Variants in DLGAP1 observed in about 807,000 individuals in gnomAD.
DLGAP1 encodes DLG associated protein 1, also known as disks large-associated protein 1.
Under a neutral mutation model 90.8 loss-of-function variants are expected in DLGAP1, and 11 were observed. The observed-to-expected ratio is 0.12, with a 90% confidence interval of 0.08 to 0.20. The LOEUF (loss-of-function observed/expected upper bound fraction) is 0.20, where lower values mean the gene tolerates loss of function less well. Ranked by LOEUF, DLGAP1 falls within the 10% of genes least tolerant of loss-of-function variation. The pLI, the probability that DLGAP1 is intolerant of heterozygous loss-of-function variation, is 1.00. For missense variants in DLGAP1, 1,050 were observed against 1,333.8 expected (o/e 0.79, Z 3.31); for synonymous variants, 558 against 540.7 (o/e 1.03, Z -0.44).
intron 1 of DLGAP1, among the ~76,000 whole-genome samples, chr18:4,270,263 T>C (rs971827107): frequency 3.3e-5 from 5 of 152,154 alleles, no homozygotes; most frequent in Non-Finnish European, 5.9e-5. Context: ...CCCCTCTTAT[T>C]ACCCTGCAGC....
At chr18:4,222,740 G>GAA (rs36052054) in intron 1 of DLGAP1, among the ~76,000 whole-genome samples, 97 of 145,584 alleles carry the variant, frequency 6.7e-4, no homozygotes, top group East Asian at 2.2e-3. Flanking sequence ...GTTTTAGACA[G>GAA]AAAAAAAAAA....
intron 4 of DLGAP1, chr18:3,874,076 T>A (rs1279726566): frequency 6.5e-7 from 1 of 1,541,144 alleles, no homozygotes. Context: ...TACCCCTTCC[T>A]TTCCCTACCA....
chr18:4,099,028 A>G (rs2075729533), intron 2 of DLGAP1, among the ~76,000 whole-genome samples: 1 of 152,156 alleles, frequency 6.6e-6, no homozygotes, highest in Non-Finnish European at 1.5e-5. Context: ...AGTTACTTCA[A>G]TTCCTCTAAG....
intron 2 of DLGAP1, among the ~76,000 whole-genome samples, chr18:4,037,572 A>G (rs1387092056): frequency 1.3e-5 from 2 of 152,198 alleles, no homozygotes; most frequent in African/African-American, 4.8e-5. Context: ...GAGCTGCGCC[A>G]TGCCTTTTCT....
At chr18:3,851,267 A>T (rs2069325605) in intron 4 of DLGAP1, among the ~76,000 whole-genome samples, 1 of 152,126 alleles carries the variant, frequency 6.6e-6, no homozygotes, top group South Asian at 2.1e-4. Context: ...GGTAAATGGC[A>T]AATCTCATTA....
intron 1 of DLGAP1, among the ~76,000 whole-genome samples, chr18:4,178,292 A>G (rs1181390956): frequency 6.6e-6 from 1 of 151,250 alleles, no homozygotes. Flanking sequence ...CCCAAGCTGA[A>G]CTCAAACTTC....
At chr18:3,664,222 A>ACACACC (rs2059800081) in intron 7 of DLGAP1, among the ~76,000 whole-genome samples, 1 of 150,000 alleles carries the variant, frequency 6.7e-6, no homozygotes, top group Admixed American at 6.6e-5. Flanking sequence ...ACACACCCAC[A>ACACACC]CACACACACA....
intron 3 of DLGAP1, among the ~76,000 whole-genome samples, chr18:4,001,319 T>G (rs1409595754): frequency 2.0e-5 from 3 of 151,704 alleles, no homozygotes; most frequent in Admixed American, 6.6e-5. Context: ...ATGCTGTTCT[T>G]TAAAAGCTGC....
At chr18:4,443,002 T>C (rs2083573671) in intron 1 of DLGAP1, among the ~76,000 whole-genome samples, 1 of 152,210 alleles carries the variant, frequency 6.6e-6, no homozygotes, top group Non-Finnish European at 1.5e-5. Flanking sequence ...AATGAATGAA[T>C]GGATTGACAA....
chr18:4,273,710 C>T lies in DLGAP1; in HGVS notation c.-266-122423G>A, dbSNP rs1339266422. ...TCAGCCTCCCAGATAGCTGGGATTA[C>T]AGGCGTGAGCCACTGTGCCCCTCCT... is the stretch of plus-strand genomic sequence containing the variant. On this transcript the variant is annotated intron_variant, in intron 1 of 12. Coordinates refer to ENST00000315677, the MANE Select transcript of DLGAP1 (RefSeq NM_004746.4). Among the ~76,000 whole-genome samples the T allele has an allele frequency of 2.0e-5, 3 of 152,236 alleles. No individual in the cohort carries two copies. In the East Asian group the frequency reaches 5.8e-4, roughly 29 times the overall value.
intron 2 of DLGAP1, among the ~76,000 whole-genome samples, chr18:4,086,130 G>C (rs2075677333): frequency 6.6e-6 from 1 of 152,142 alleles, no homozygotes; most frequent in Non-Finnish European, 1.5e-5. Context: ...ATAAAGTTTT[G>C]ACATGGGAAC....
intron 4 of DLGAP1, among the ~76,000 whole-genome samples, chr18:3,849,532 T>C (rs1042379790): frequency 8.6e-5 from 13 of 151,992 alleles, no homozygotes; most frequent in East Asian, 5.8e-4. Flanking sequence ...CTAGACTCCA[T>C]AGGGCCCTAG....
chr18:3,527,949 G>T (rs1166966678), intron 10 of DLGAP1, among the ~76,000 whole-genome samples: 2 of 152,142 alleles, frequency 1.3e-5, no homozygotes, highest in African/African-American at 2.4e-5. Context: ...TAACCACAGT[G>T]AAGTGTACCA....
chr18:3,858,335 G>C (rs932543516), intron 4 of DLGAP1, among the ~76,000 whole-genome samples: 3 of 151,858 alleles, frequency 2.0e-5, no homozygotes, highest in African/African-American at 7.3e-5. Context: ...CTCCTCCCAG[G>C]TTGGTGAGAG....
chr18:3,592,843 C>CA (rs56871583), intron 7 of DLGAP1, among the ~76,000 whole-genome samples: 8,809 of 42,778 alleles, frequency 0.21, 1,771 homozygotes, highest in Non-Finnish European at 0.32. Flanking sequence ...GACCCTGCCT[C>CA]AAAAAAAAAA....
intron 7 of DLGAP1, among the ~76,000 whole-genome samples, chr18:3,676,729 CACAA>C (rs1170540444): frequency 1.3e-5 from 2 of 151,590 alleles, no homozygotes; most frequent in Admixed American, 6.6e-5. Flanking sequence ...GGTCAGTATA[CACAA>C]ACAAACAAAC....
At chr18:3,621,616 A>C (rs2058098104) in intron 7 of DLGAP1, among the ~76,000 whole-genome samples, 1 of 152,070 alleles carries the variant, frequency 6.6e-6, no homozygotes, top group Non-Finnish European at 1.5e-5. Context: ...TCTGTACCTC[A>C]CTTCTGTTTT....
At chr18:3,772,368 CTTTCTTTCTTTCTTTCTTTCTT>C (rs2064687229) in intron 5 of DLGAP1, among the ~76,000 whole-genome samples, 3 of 13,166 alleles carry the variant, frequency 2.3e-4, no homozygotes, top group African/African-American at 4.0e-4. Context: ...TTCTTTCTTT[CTTTCTTTCTTTCTTTCTTTCTT>C]TCTTTCTTTC....
intron 2 of DLGAP1, among the ~76,000 whole-genome samples, chr18:4,112,641 G>A (rs2075994161): frequency 6.6e-6 from 1 of 152,058 alleles, no homozygotes; most frequent in Non-Finnish European, 1.5e-5. Context: ...TAGATTTAGG[G>A]TATACATGTG....
Sources: gnomAD v4.1 joint callset for allele counts (sites outside exome capture counted in the v4.1 genomes callset) on GRCh38, gnomAD v4.1.1 for gene constraint, MANE v1.5 for transcripts, NCBI Gene and HGNC (gene_info 2026-07-23, HGNC 2026-07-21) for gene names.